ADAM33: variants seen among roughly 807,000 people sequenced by gnomAD.
ADAM33 encodes the protein disintegrin and metalloproteinase domain-containing protein 33.
In ADAM33, 103 loss-of-function variants were observed where a neutral mutation model predicts 106.2. The ratio of observed to expected loss-of-function variants is 0.97; its 90% CI spans 0.83 to 1.14. ADAM33 has a LOEUF of 1.14. Ranked by LOEUF, ADAM33 falls within the 50% of genes most tolerant of loss-of-function variation. The pLI is 0.00. For synonymous variants in ADAM33, 483 were observed against 453.0 expected (o/e 1.07, Z -0.84); for missense variants, 1,120 against 1,096.6 (o/e 1.02, Z -0.30).
chr20:3,671,829 A>G (rs1454576479), intron 15 of ADAM33, 48 bp downstream of exon 15: 47 of 1,551,158 alleles, frequency 3.0e-5, no homozygotes, highest in Non-Finnish European at 3.9e-5. Flanking sequence ...CCCCTTCCCC[A>G]AACCCACTCC....
At chr20:3,680,369 C>G (rs1282711993) in intron 1 of ADAM33, among the ~76,000 whole-genome samples, 1 of 152,178 alleles carries the variant, frequency 6.6e-6, no homozygotes, top group African/African-American at 2.4e-5. Flanking sequence ...GCTCCCAGAA[C>G]AGACAGCCTC....
chr20:3,681,311 C>T (rs763273479), intron 1 of ADAM33, among the ~76,000 whole-genome samples: 11 of 152,322 alleles, frequency 7.2e-5, no homozygotes, highest in Non-Finnish European at 1.3e-4. Flanking sequence ...CAGACACCTT[C>T]TATCTGGAGA....
chr20:3,669,681 T>A, intron 19 of ADAM33, 44 bp from the exon 20 acceptor site: 1 of 1,546,200 alleles, frequency 6.5e-7, no homozygotes, highest in Non-Finnish European at 8.8e-7. Context: ...ACAGTGATCC[T>A]GAGTGGGTTA....
In ADAM33 at chr20:3,676,947, C is replaced by G. The variant is rs377638546; in HGVS notation, c.254+120G>C. 5.8e-4 allele frequency: 623 copies of G among 1,071,510 alleles called. 2 individuals carry two copies. The East Asian group carries it at 0.01, about 18-fold the overall frequency. 66.4% of individuals were successfully genotyped at this position (1,071,510 alleles called of 1,614,324 possible). A position where few individuals can be genotyped will look rare whatever the true frequency, so the allele number is the denominator to read the frequency against. ...CAACCACAGGCCTGCGTGACTCTCC[C>G]TGTCATCTGCACCCTCTCTGGGGTC... On this transcript the variant is annotated intron_variant, in intron 3 of 21. Transcript: ENST00000356518.
Position 3,672,703 on chromosome 20 carries a change from C to T in ADAM33, c.1311+18G>A, listed in dbSNP as rs1224809637. ...CTGAGCGGAGAGGGCAAGTGGGGGC[C>T]GGGCGAGCCGACTTAACCTGGCCAG... is the stretch of plus-strand genomic sequence containing the variant. On this transcript the variant is annotated intron_variant, in intron 12 of 21. Coordinates refer to ENST00000356518, the MANE Select transcript of ADAM33 (RefSeq NM_025220.5). The T allele has an allele frequency of 1.4e-5, 22 of 1,586,658 alleles. No individual in the cohort carries two copies. The highest frequency in any genetic ancestry group is 4.5e-5 in the South Asian group (4 of 88,698).
chr20:3,676,422 T>C (rs898110444), intron 3 of ADAM33, among the ~76,000 whole-genome samples: 9 of 151,992 alleles, frequency 5.9e-5, no homozygotes, highest in East Asian at 3.9e-4. Context: ...TTCTTTCTTT[T>C]TTTTTTTCTT....
intron 2 of ADAM33, among the ~76,000 whole-genome samples, chr20:3,677,702 C>T (rs1182908760): frequency 6.6e-6 from 1 of 152,214 alleles, no homozygotes; most frequent in Non-Finnish European, 1.5e-5. Context: ...CCCTCCGGCT[C>T]CGACACCTGC....
At chr20:3,681,626 C>T (rs568161576) in intron 1 of ADAM33, among the ~76,000 whole-genome samples, 1,661 of 119,206 alleles carry the variant, frequency 0.014, 25 homozygotes, top group African/African-American at 0.048. Flanking sequence ...GCTGGGCTGC[C>T]CCCGAGGGGG....
chr20:3,674,104 G>C lies in ADAM33; in HGVS notation c.698C>G (p.Thr233Ser). ...FLTRHRNLNH[T>S]KQRLLEVANY... ...GGCGACTTCCAGGAGACGCTGTTTG[G>C]TGTGGTTCAAGTTTCGGTGCCGAGT... Residue 233 changes from threonine to serine, a missense_variant, in exon 8 of 22, where the codon ACC becomes AGC. Transcript: ENST00000356518. The C allele has an allele frequency of 1.9e-6, 3 of 1,614,210 alleles. No homozygotes were observed. The highest frequency in any genetic ancestry group is 2.5e-6 in the Non-Finnish European group (3 of 1,180,038).
chr20:3,670,946 C>T, intron 19 of ADAM33, 60 bp downstream of exon 19: 1 of 1,493,488 alleles, frequency 6.7e-7, no homozygotes, highest in East Asian at 2.5e-5. Context: ...ACAGCCCCAG[C>T]AGAGCTCTGA....
chr20:3,679,526 C>T lies in ADAM33; in HGVS notation c.143G>A (p.Gly48Glu), dbSNP rs777225958. Residue 48 changes from glycine (G) to glutamate (E), a missense_variant, in exon 2 of 22, where the codon GGA becomes GAA. Coordinates refer to ENST00000356518, the MANE Select transcript of ADAM33 (RefSeq NM_025220.5). ...CAGGCTGACGGTGCGCCAGGGTTGT[C>T]CATCCAGGACCCAGTGCGGGGTGAC... is the stretch of plus-strand genomic sequence containing the variant. ...QPVTPHWVLD[G>E]QPWRTVSLEE... 7.4e-6 allele frequency: 12 copies of T among 1,610,788 alleles called. No homozygotes were observed. The South Asian group carries it at 1.3e-4, about 18-fold the overall frequency.
At position 3,672,787 on chromosome 20, in the gene ADAM33, C is replaced by T; in HGVS notation, c.1245G>A (p.Val415=). 1 of 1,572,446 alleles carries T rather than the reference C, an allele frequency of 6.4e-7. No individual in the cohort carries two copies. The change falls in exon 12 of 22, where the codon GTG becomes GTA. Residue 415 remains valine, a synonymous_variant. Coordinates refer to ENST00000356518, the MANE Select transcript of ADAM33 (RefSeq NM_025220.5). ...LSNAPDPGLP[V]PPALCGNGFV... is the part of the protein sequence containing the mutation. ...AGCCGTTCCCGCAGAGCGCCGGCGG[C>T]ACCGGGAGTCCGGGGTCCGGGGCAT...
chr20:3,678,149 C>T (rs140877864), intron 2 of ADAM33, among the ~76,000 whole-genome samples: 8 of 152,228 alleles, frequency 5.3e-5, no homozygotes, highest in Non-Finnish European at 1.0e-4. Context: ...AGGTCTGCAC[C>T]GGGAAAAAGG....
intron 1 of ADAM33, among the ~76,000 whole-genome samples, chr20:3,679,804 C>T (rs2146472007): frequency 6.6e-6 from 1 of 152,282 alleles, no homozygotes; most frequent in Non-Finnish European, 1.5e-5. Flanking sequence ...AAAGGGACAG[C>T]TCAGCTGGGG....
Position 3,679,535 on chromosome 20 carries a change from A to G in ADAM33, c.134T>C (p.Val45Ala). 6.2e-7 allele frequency: 1 copy of G among 1,610,842 alleles called. No homozygotes were observed. Among genetic ancestry groups the G allele is most frequent in the Non-Finnish European group, 8.5e-7 (1 of 1,178,810 alleles). ...GGTGCGCCAGGGTTGTCCATCCAGG[A>G]CCCAGTGCGGGGTGACTGGCTGCCC... The part of the protein sequence containing the change: ...IPGQPVTPHW[V>A]LDGQPWRTVS... Residue 45 changes from valine (V) to alanine (A), a missense_variant, in exon 2 of 22, where the codon GTC becomes GCC. Val to Ala is a moderately conservative substitution (Grantham distance 64, BLOSUM62 0). Coordinates refer to ENST00000356518, the MANE Select transcript of ADAM33 (RefSeq NM_025220.5).
chr20:3,673,453 T>A lies in ADAM33; in HGVS notation c.1034A>T (p.His345Leu). ...LPIGAAATMAHEIGHSLGLSH... is the reference protein window; with the variant it reads ...LPIGAAATMALEIGHSLGLSH... ...GAGGCCGAGGCTGTGGCCGATCTCA[T>A]GGGCCATGGTGGCTGCGGCGCCGAT... Residue 345 changes from histidine (H) to leucine (L), a missense_variant, in exon 11 of 22, where the codon CAT becomes CTT. Transcript: ENST00000356518. 6.4e-7 allele frequency: 1 copy of A among 1,558,868 alleles called. No homozygotes were observed. The highest frequency in any genetic ancestry group is 8.6e-7 in the Non-Finnish European group (1 of 1,158,858).
chr20:3,680,186 C>T (rs1448205416), intron 1 of ADAM33, among the ~76,000 whole-genome samples: 1 of 152,066 alleles, frequency 6.6e-6, no homozygotes, highest in Admixed American at 6.5e-5. Flanking sequence ...CCTAAGGGGG[C>T]TCTAGGAGGA....
In ADAM33 at chr20:3,679,567, A is replaced by G. The variant is rs1162204305; in HGVS notation, c.102T>C (p.His34=). 1.2e-6 allele frequency: 2 copies of G among 1,607,576 alleles called. No homozygotes were observed. The highest frequency in any genetic ancestry group is 1.7e-6 in the Non-Finnish European group (2 of 1,177,192). The change falls in exon 2 of 22, where the codon CAT becomes CAC. Residue 34 remains histidine, a synonymous_variant. Transcript: ENST00000356518. Reference sequence around the variant, plus strand: ...GCGGGGTGACTGGCTGCCCAGGGATATGTCCTGGAGTAAAGACAGAGCACA... The same window carrying G: ...GCGGGGTGACTGGCTGCCCAGGGATGTGTCCTGGAGTAAAGACAGAGCACA... The part of the protein sequence containing the change: ...PVPGAGVLQG[H]IPGQPVTPHW...
At chr20:3,673,271 C>T in intron 11 of ADAM33, 83 bp downstream of exon 11, 1 of 1,534,286 alleles carries the variant, frequency 6.5e-7, no homozygotes, top group Non-Finnish European at 8.7e-7. Context: ...GAAGAGGAAA[C>T]TGAGGGACGA....
Sources: allele counts gnomAD v4.1 joint callset (sites outside exome capture counted in the v4.1 genomes callset), GRCh38; gene constraint gnomAD v4.1.1; transcripts MANE v1.5; gene names NCBI Gene and HGNC (gene_info 2026-07-23, HGNC 2026-07-21).